The following PROCA1 variants were observed in gnomAD, a reference collection of about 807,000 sequenced individuals.
PROCA1 encodes protein PROCA1.
PROCA1 carries 22 observed loss-of-function variants against 23.2 expected under a neutral mutation model. The observed-to-expected ratio is 0.95, with a 90% CI of 0.68 to 1.35. The LOEUF (loss-of-function observed/expected upper bound fraction) is 1.35. Among genes scored for constraint, PROCA1 ranks in the 40% most tolerant of loss-of-function variants. The pLI is 0.00. For synonymous variants in PROCA1, 182 were observed against 179.2 expected (o/e 1.02, Z -0.12); for missense variants, 469 against 459.8 (o/e 1.02, Z -0.18).
intron 2 of PROCA1, chr17:28,706,342 T>G (rs957647512): frequency 4.9e-6 from 1 of 203,120 alleles, no homozygotes; most frequent in African/African-American, 2.3e-5. Flanking sequence ...ACTAGCCGGG[T>G]GGCTTAGGGC....
In PROCA1 at chr17:28,711,647, G is replaced by A; in HGVS notation, c.14C>T (p.Thr5Met). The change falls in exon 1 of 5, where the codon ACG becomes ATG. Residue 5 changes from threonine to methionine, a missense_variant. By Grantham distance (81) the Thr-to-Met change is moderately conservative. Coordinates refer to ENST00000682792, the MANE Select transcript of PROCA1 (RefSeq NM_001366301.1). The part of the protein sequence containing the change: MWVR[T>M]TLTIERWTKE... The stretch of plus-strand genomic sequence containing the variant: ...AGTCCATCTTTCAATTGTGAGCGTC[G>A]TCCTGACCCACATCGCTCTCCGCCC... 1 of 1,612,316 alleles carries A rather than the reference G, an allele frequency of 6.2e-7. No homozygotes were observed. The highest frequency in any genetic ancestry group is 1.1e-5 in the South Asian group (1 of 90,972).
intron 1 of PROCA1, among the ~76,000 whole-genome samples, chr17:28,709,545 G>A (rs1272952303): frequency 6.8e-6 from 1 of 147,044 alleles, no homozygotes; most frequent in African/African-American, 2.5e-5. Flanking sequence ...GTGAGCCACC[G>A]CACCCGGCCC....
chr17:28,706,609 T>G, intron 2 of PROCA1, 71 bp downstream of exon 2: 2 of 1,100,342 alleles, frequency 1.8e-6, no homozygotes, highest in Non-Finnish European at 2.5e-6. Flanking sequence ...GGACCAAGCT[T>G]CCACCAGGTG....
At chr17:28,711,302 C>T in intron 1 of PROCA1, 1 of 585,370 alleles carries the variant, frequency 1.7e-6, no homozygotes, top group Non-Finnish European at 2.7e-6. Context: ...CCAGCTCTGG[C>T]TGGAACCAGA....
chr17:28,710,100 C>CA (rs1207946046), intron 1 of PROCA1, among the ~76,000 whole-genome samples: 5 of 152,168 alleles, frequency 3.3e-5, no homozygotes, highest in Admixed American at 3.3e-4. Context: ...CTGGACTCCA[C>CA]AGCCTCCCTT....
Position 28,704,128 on chromosome 17 carries a change from T to G in PROCA1, c.525A>C (p.Glu175Asp), listed in dbSNP as rs756740370. 1.7e-5 allele frequency: 27 copies of G among 1,564,882 alleles called. No individual in the cohort carries two copies. The Admixed American group carries it at 5.3e-4, about 31-fold the overall frequency. ...HECGADDLNE[E>D]EEEEEEESKP... Reference sequence around the variant, plus strand: ...TGCTTTCCTCCTCCTCCTCTTCCTCTTCTTCATTTAGATCATCTGCCCCAC... The same window carrying G: ...TGCTTTCCTCCTCCTCCTCTTCCTCGTCTTCATTTAGATCATCTGCCCCAC... Residue 175 changes from glutamate to aspartate, a missense_variant, in exon 5 of 5, where the codon GAA becomes GAC. By Grantham distance (45) the Glu-to-Asp change is conservative. Transcript: ENST00000682792.
chr17:28,710,001 A>G (rs1346358342), intron 1 of PROCA1, among the ~76,000 whole-genome samples: 1 of 151,974 alleles, frequency 6.6e-6, no homozygotes, highest in African/African-American at 2.4e-5. Flanking sequence ...CGGGAAGGAC[A>G]GGTGTTTTTT....
chr17:28,709,363 C>T (rs562475634), intron 1 of PROCA1, among the ~76,000 whole-genome samples: 1 of 151,980 alleles, frequency 6.6e-6, no homozygotes, highest in East Asian at 2.0e-4. Flanking sequence ...TCACGCCATT[C>T]TCCTGCCTCA....
In PROCA1 at chr17:28,711,322, C is replaced by T. The variant is rs550440629; in HGVS notation, c.91+248G>A. On this transcript the variant is annotated intron_variant, in intron 1 of 4. Transcript: ENST00000682792. ...TCTGGCTGGAACCAGACTTCCCGCCCATCCCGCGGGCGACCCAGCAGGGCC... is the reference window on the plus strand; with the variant it reads ...TCTGGCTGGAACCAGACTTCCCGCCTATCCCGCGGGCGACCCAGCAGGGCC... 1.3e-3 allele frequency: 737 copies of T among 566,648 alleles called. 6 individuals carry two copies. The African/African-American group carries it at 0.014, about 11-fold the overall frequency. 35.1% of individuals were successfully genotyped at this position (566,648 alleles called of 1,614,324 possible).
At chr17:28,709,742 A>G (rs916198226) in intron 1 of PROCA1, among the ~76,000 whole-genome samples, 2 of 151,850 alleles carry the variant, frequency 1.3e-5, no homozygotes, top group African/African-American at 4.8e-5. Context: ...CATGCCTGTA[A>G]TCTCAGAATT....
In PROCA1 at chr17:28,704,030, G is replaced by C; in HGVS notation, c.623C>G (p.Thr208Ser). ...PDLGTSMATG[T>S]PDSTAPITIW... ...GGTGATGGGCGCTGTGGAGTCAGGG[G>C]TACCAGTGGCCATGCTGGTGCCTAG... Residue 208 changes from threonine to serine, a missense_variant, in exon 5 of 5, where the codon ACC becomes AGC. Transcript: ENST00000682792. The C allele has an allele frequency of 6.2e-7, 1 of 1,611,030 alleles. No homozygotes were observed.
intron 1 of PROCA1, among the ~76,000 whole-genome samples, chr17:28,708,731 GAA>G (rs557817689): frequency 1.3e-4 from 13 of 101,004 alleles, no homozygotes; most frequent in South Asian, 1.1e-3. Flanking sequence ...CCAGAAAAAG[GAA>G]AAAAAAAAAA....
chr17:28,710,506 CAA>C (rs71278535), intron 1 of PROCA1, among the ~76,000 whole-genome samples: 207 of 30,712 alleles, frequency 6.7e-3, no homozygotes, highest in African/African-American at 0.024. Flanking sequence ...GATTCCATCT[CAA>C]AAAAAAAAAA....
chr17:28,709,683 G>A (rs139466232), intron 1 of PROCA1, among the ~76,000 whole-genome samples: 70 of 151,926 alleles, frequency 4.6e-4, no homozygotes, highest in Non-Finnish European at 8.2e-4. Flanking sequence ...AATAAATCAC[G>A]TTCAGCTCCA....
chr17:28,711,508 G>C, intron 1 of PROCA1, 62 bp downstream of exon 1: 4 of 1,400,602 alleles, frequency 2.9e-6, no homozygotes, highest in Non-Finnish European at 3.9e-6. Context: ...TCCCGCGTGC[G>C]CCGCTCGGGG....
rs916044523 is a variant in PROCA1 at position 28,704,804 on chromosome 17, T to A, written c.215A>T (p.Lys72Met). 4 of 1,613,576 alleles carry A rather than the reference T, an allele frequency of 2.5e-6. No individual in the cohort carries two copies. The highest frequency in any genetic ancestry group is 2.5e-6 in the Non-Finnish European group (3 of 1,179,946). The change falls in exon 3 of 5, where the codon AAG becomes ATG. Residue 72 changes from lysine (K) to methionine (M), a missense_variant. Transcript: ENST00000682792. The part of the protein sequence containing the change: ...KEPDKCCWRH[K>M]QCTGHIIYPF... Reference sequence around the variant, plus strand: ...GTAGATGATGTGCCCAGTGCACTGCTTGTGTCTCCAGCAGCACTTGTCAGG... The same window carrying A: ...GTAGATGATGTGCCCAGTGCACTGCATGTGTCTCCAGCAGCACTTGTCAGG...
Position 28,703,740 on chromosome 17 carries a change from T to C in PROCA1, c.913A>G (p.Ser305Gly). 1 of 1,614,138 alleles carries C rather than the reference T, an allele frequency of 6.2e-7. No individual in the cohort carries two copies. The highest frequency in any genetic ancestry group is 8.5e-7 in the Non-Finnish European group (1 of 1,180,034). Residue 305 changes from serine (S) to glycine (G), a missense_variant, in exon 5 of 5, where the codon AGC becomes GGC. By Grantham distance (56) the Ser-to-Gly change is moderately conservative. Transcript: ENST00000682792. ...SSPESREELE[S>G]EDSYNGRGQG... is the part of the protein sequence containing the mutation. ...CCCCGGCCATTGTAACTGTCCTCGC[T>C]CTCCAGCTCTTCCCGGCTTTCTGGG...
rs1475429600 is a variant in PROCA1, at chr17:28,711,102, G to A, written c.91+468C>T. On this transcript the variant is annotated intron_variant, in intron 1 of 4. Transcript: ENST00000682792. The stretch of plus-strand genomic sequence containing the variant: ...TCCTTGGAAATGCCTCTCTGGCCTC[G>A]CCGCCGCGGAGGTAATTGTGATGCC... The A allele has an allele frequency of 5.1e-6, 6 of 1,179,470 alleles. No individual in the cohort carries two copies. The African/African-American group carries it at 9.6e-5, about 19-fold the overall frequency. 73.1% of individuals were successfully genotyped at this position (1,179,470 alleles called of 1,614,324 possible).
At position 28,704,251 on chromosome 17, in the gene PROCA1, G is replaced by T. The variant is rs199603411; in HGVS notation, c.441-39C>A. The T allele has an allele frequency of 8.9e-6, 14 of 1,571,094 alleles. No homozygotes were observed. In the South Asian group the frequency reaches 9.4e-5, roughly 11 times the overall value. ...CAACGGGGGAAGTTTGACAGAGAGT[G>T]GGGGGCAGTGCCCTGTAGAGGCCCC... On this transcript the variant is annotated intron_variant, in intron 4 of 4. Transcript: ENST00000682792.
Sources: allele counts gnomAD v4.1 joint callset (sites outside exome capture counted in the v4.1 genomes callset), GRCh38; gene constraint gnomAD v4.1.1; transcripts MANE v1.5; gene names NCBI Gene and HGNC (gene_info 2026-07-23, HGNC 2026-07-21).